ZNF407: variants seen among roughly 807,000 people sequenced by gnomAD.
ZNF407 encodes zinc finger protein 407.
A neutral mutation model predicts 131.2 loss-of-function variants in ZNF407; 17 were observed. The observed-to-expected ratio is 0.13, with a 90% CI of 0.09 to 0.19. ZNF407 has a LOEUF of 0.19. Ranked by LOEUF, ZNF407 falls within the 10% of genes least tolerant of loss-of-function variation. The probability of loss-of-function intolerance (pLI) is 1.00; values close to 1 mark genes in which losing one functional copy is unlikely to be tolerated. For missense variants in ZNF407, 2,681 were observed against 2,830.6 expected (o/e 0.95, Z 1.20); for synonymous variants, 1,156 against 1,062.0 (o/e 1.09, Z -1.72).
Position 74,822,983 on chromosome 18 carries a change from A to G in ZNF407, c.4877+41481A>G, listed in dbSNP as rs574812961. 1.6e-3 allele frequency among the ~76,000 whole-genome samples: 243 copies of G among 152,254 alleles called. 2 individuals are homozygous for G. Among genetic ancestry groups the G allele is most frequent in the African/African-American group, 5.5e-3 (229 of 41,528 alleles). On this transcript the variant is annotated intron_variant, in intron 4 of 8. Transcript: ENST00000299687. ...AGTTCTCCTTGAAGAGGTCCTTCAC[A>G]TCCCTTGTTAGTTGTATTCCTAGGT...
At chr18:74,946,386 G>T (rs1029518569) in intron 8 of ZNF407, among the ~76,000 whole-genome samples, 2 of 152,050 alleles carry the variant, frequency 1.3e-5, no homozygotes, top group Non-Finnish European at 2.9e-5. Flanking sequence ...CACATTTTTC[G>T]CAGCACTCTC....
intron 4 of ZNF407, 70 bp from the exon 5 acceptor site, chr18:74,877,127 C>G: frequency 6.9e-7 from 1 of 1,443,514 alleles, no homozygotes; most frequent in Non-Finnish European, 9.7e-7. Context: ...GGTTCGCACA[C>G]GCGCTGCCTG....
At chr18:74,883,737 C>T (rs916148338) in intron 6 of ZNF407, among the ~76,000 whole-genome samples, 2 of 152,314 alleles carry the variant, frequency 1.3e-5, no homozygotes, top group Admixed American at 6.5e-5. Flanking sequence ...CAAAGAGCAC[C>T]GCACTATGAC....
At chr18:75,005,241 ATTAT>A (rs1374017153) in intron 8 of ZNF407, among the ~76,000 whole-genome samples, 1 of 152,198 alleles carries the variant, frequency 6.6e-6, no homozygotes, top group Non-Finnish European at 1.5e-5. Flanking sequence ...TACAGAAATA[ATTAT>A]TCAGTATGAA....
intron 3 of ZNF407, among the ~76,000 whole-genome samples, chr18:74,665,667 A>G (rs1364463376): frequency 6.6e-6 from 1 of 152,168 alleles, no homozygotes; most frequent in Non-Finnish European, 1.5e-5. Flanking sequence ...GTTGTGATAT[A>G]TGATGCATAA....
intron 3 of ZNF407, among the ~76,000 whole-genome samples, chr18:74,652,765 C>T (rs1360120488): frequency 2.0e-5 from 3 of 151,958 alleles, no homozygotes; most frequent in Admixed American, 6.6e-5. Context: ...TAAGTCAGAA[C>T]CAATGCACAT....
intron 1 of ZNF407, among the ~76,000 whole-genome samples, chr18:74,618,167 CTT>C (rs1393328233): frequency 1.8e-5 from 2 of 113,380 alleles, no homozygotes; most frequent in African/African-American, 6.1e-5. Flanking sequence ...GCTCCTGTGT[CTT>C]TGTGCTTTCT....
At chr18:74,661,505 A>C (rs1275972484) in intron 3 of ZNF407, among the ~76,000 whole-genome samples, 1 of 151,434 alleles carries the variant, frequency 6.6e-6, no homozygotes, top group Non-Finnish European at 1.5e-5. Flanking sequence ...AGAAATGCCA[A>C]ATGTGATTTT....
At chr18:74,719,502 C>G (rs1166792424) in intron 3 of ZNF407, among the ~76,000 whole-genome samples, 1 of 152,206 alleles carries the variant, frequency 6.6e-6, no homozygotes, top group African/African-American at 2.4e-5. Flanking sequence ...CGGGTTCACG[C>G]CATTCTCCTG....
At chr18:75,018,844 G>T (rs1019383184) in intron 8 of ZNF407, among the ~76,000 whole-genome samples, 2 of 151,990 alleles carry the variant, frequency 1.3e-5, no homozygotes, top group African/African-American at 4.8e-5. Flanking sequence ...AAAACTTCAG[G>T]AGTAAATTTG....
chr18:75,010,137 A>G (rs994448540), intron 8 of ZNF407, among the ~76,000 whole-genome samples: 1 of 152,110 alleles, frequency 6.6e-6, no homozygotes, highest in African/African-American at 2.4e-5. Context: ...CATCCAGTCC[A>G]TTTCTTTTCT....
intron 8 of ZNF407, among the ~76,000 whole-genome samples, chr18:74,926,912 G>A (rs892724133): frequency 7.2e-5 from 11 of 152,130 alleles, no homozygotes; most frequent in African/African-American, 2.4e-4. Context: ...GCCTAACACC[G>A]TGGAGCAGTG....
intron 8 of ZNF407, among the ~76,000 whole-genome samples, chr18:74,967,107 A>G (rs1020786434): frequency 6.6e-6 from 1 of 152,132 alleles, no homozygotes; most frequent in Non-Finnish European, 1.5e-5. Flanking sequence ...CAAAATATTT[A>G]AAAAAGTATC....
Position 74,933,939 on chromosome 18 carries a change from T to C in ZNF407, c.5428+13247T>C, listed in dbSNP as rs184997914. On this transcript the variant is annotated intron_variant, in intron 8 of 8. Transcript: ENST00000299687. Reference sequence around the variant, plus strand: ...AGATTAAAAACACTTTGATGCATTATTTTAATAGGTAAAAATTTATCCTCG... The same window carrying C: ...AGATTAAAAACACTTTGATGCATTACTTTAATAGGTAAAAATTTATCCTCG... 1.1e-4 allele frequency among the ~76,000 whole-genome samples: 16 copies of C among 152,336 alleles called. No homozygotes were observed. In the East Asian group the frequency reaches 3.1e-3, roughly 29 times the overall value.
chr18:75,033,139 G>A (rs540755046), intron 8 of ZNF407, among the ~76,000 whole-genome samples: 24 of 127,704 alleles, frequency 1.9e-4, no homozygotes, highest in African/African-American at 7.4e-4. Context: ...ATAGGGGGAA[G>A]ACAGTATTAG....
intron 8 of ZNF407, among the ~76,000 whole-genome samples, chr18:74,951,084 T>G (rs547559924): frequency 6.6e-6 from 1 of 152,332 alleles, no homozygotes; most frequent in South Asian, 2.1e-4. Flanking sequence ...CTTCATGTGG[T>G]AGCAGGGCAG....
intron 8 of ZNF407, among the ~76,000 whole-genome samples, chr18:74,924,015 A>G (rs1290228159): frequency 6.6e-6 from 1 of 152,246 alleles, no homozygotes; most frequent in Non-Finnish European, 1.5e-5. Context: ...TAAGTCAGTG[A>G]GAATGAATGA....
intron 4 of ZNF407, among the ~76,000 whole-genome samples, chr18:74,867,820 C>CT (rs1971034950): frequency 6.6e-6 from 1 of 152,162 alleles, no homozygotes; most frequent in Non-Finnish European, 1.5e-5. Context: ...TTTCCAAACT[C>CT]TGCATATCAG....
intron 8 of ZNF407, among the ~76,000 whole-genome samples, chr18:75,040,646 C>G (rs745542077): frequency 4.6e-5 from 7 of 152,190 alleles, no homozygotes; most frequent in Admixed American, 1.3e-4. Context: ...ATGTGATACT[C>G]TGCAGATAGA....
Sources: gnomAD v4.1 joint callset for allele counts (sites outside exome capture counted in the v4.1 genomes callset) on GRCh38, gnomAD v4.1.1 for gene constraint, MANE v1.5 for transcripts, NCBI Gene and HGNC (gene_info 2026-07-23, HGNC 2026-07-21) for gene names.